The following MACROD2 variants were observed in gnomAD, a reference collection of about 807,000 sequenced individuals.
MACROD2 encodes mono-ADP ribosylhydrolase 2.
Under a neutral mutation model 70.4 loss-of-function variants are expected in MACROD2, and 36 were observed. The ratio of observed to expected loss-of-function variants is 0.51; its 90% CI spans 0.39 to 0.68. MACROD2 has a LOEUF of 0.68. MACROD2 is among the 30% of genes least tolerant of loss of function. The pLI is 0.00. For missense variants in MACROD2, 496 were observed against 538.4 expected (o/e 0.92, Z 0.78); for synonymous variants, 172 against 178.8 (o/e 0.96, Z 0.30).
At chr20:15,174,371 G>T (rs762165625) in intron 5 of MACROD2, among the ~76,000 whole-genome samples, 1 of 152,150 alleles carries the variant, frequency 6.6e-6, no homozygotes, top group African/African-American at 2.4e-5. Flanking sequence ...TAAAAGATTT[G>T]CATGGCCACA....
At chr20:15,929,565 T>C (rs1342006197) in intron 10 of MACROD2, among the ~76,000 whole-genome samples, 1 of 152,176 alleles carries the variant, frequency 6.6e-6, no homozygotes, top group African/African-American at 2.4e-5. Context: ...TATAGACCTT[T>C]AGAAGAAAAG....
At chr20:14,259,373 G>A (rs2256118) in intron 3 of MACROD2, among the ~76,000 whole-genome samples, 96,584 of 152,080 alleles carry the variant, frequency 0.64, 32,259 homozygotes, top group Non-Finnish European at 0.75. Flanking sequence ...TTTATAATTT[G>A]ATTTTAATAC....
chr20:16,036,155 C>T (rs1459217902), intron 15 of MACROD2, among the ~76,000 whole-genome samples: 1 of 151,918 alleles, frequency 6.6e-6, no homozygotes, highest in African/African-American at 2.4e-5. Context: ...CCAGACAGGC[C>T]CTGAGCTCTG....
At chr20:14,720,180 A>T (rs1323831152) in intron 5 of MACROD2, among the ~76,000 whole-genome samples, 3 of 152,194 alleles carry the variant, frequency 2.0e-5, no homozygotes, top group Non-Finnish European at 4.4e-5. Flanking sequence ...TGTAAATCTT[A>T]GGTCTTAGGA....
chr20:15,461,006 A>ATATTTTTTTTTTTT, intron 7 of MACROD2, among the ~76,000 whole-genome samples: 11 of 67,018 alleles, frequency 1.6e-4, no homozygotes, highest in Non-Finnish European at 3.0e-4. Context: ...ATATATATAT[A>ATATTTTTTTTTTTT]TTTTTTTTTA....
chr20:14,929,893 A>G (rs672519), intron 5 of MACROD2, among the ~76,000 whole-genome samples: 74,323 of 151,480 alleles, frequency 0.49, 18,908 homozygotes, highest in South Asian at 0.71. Flanking sequence ...TGGGCGCGGT[A>G]TCTCACGCCT....
At chr20:14,804,450 T>C (rs1280353521) in intron 5 of MACROD2, among the ~76,000 whole-genome samples, 1 of 151,994 alleles carries the variant, frequency 6.6e-6, no homozygotes, top group East Asian at 1.9e-4. Flanking sequence ...TGGTTCAAGG[T>C]CACTCCATGC....
chr20:15,678,519 C>T (rs2050109441), intron 8 of MACROD2, among the ~76,000 whole-genome samples: 1 of 152,022 alleles, frequency 6.6e-6, no homozygotes, highest in Non-Finnish European at 1.5e-5. Context: ...GCCACCATGC[C>T]TGGCTAATTT....
intron 3 of MACROD2, among the ~76,000 whole-genome samples, chr20:14,226,460 G>A (rs970420157): frequency 5.3e-5 from 8 of 152,220 alleles, no homozygotes; most frequent in Admixed American, 2.6e-4. Flanking sequence ...CCCCTTTCTG[G>A]GCTGGCCAAG....
chr20:15,862,644 C>G, intron 8 of MACROD2, 101 bp from the exon 9 acceptor site: 1 of 878,816 alleles, frequency 1.1e-6, no homozygotes, highest in Non-Finnish European at 1.8e-6. Context: ...AACCAAAAAT[C>G]TGTATGAGGC....
chr20:15,114,986 A>C (rs1268213167), intron 5 of MACROD2, among the ~76,000 whole-genome samples: 1 of 152,144 alleles, frequency 6.6e-6, no homozygotes, highest in Admixed American at 6.5e-5. Flanking sequence ...TTGCCCTGAA[A>C]CACTCTTGCT....
At chr20:14,071,976 G>A (rs915274697) in intron 2 of MACROD2, among the ~76,000 whole-genome samples, 1 of 152,172 alleles carries the variant, frequency 6.6e-6, no homozygotes, top group Non-Finnish European at 1.5e-5. Context: ...TGTAAACAAA[G>A]TAGTATATGT....
intron 2 of MACROD2, among the ~76,000 whole-genome samples, chr20:14,035,956 C>T (rs1248951132): frequency 6.6e-6 from 1 of 152,178 alleles, no homozygotes; most frequent in Non-Finnish European, 1.5e-5. Flanking sequence ...TCCTGGCTAA[C>T]ATGGTGAAAC....
chr20:15,986,321 G>C (rs2066482942), intron 13 of MACROD2, among the ~76,000 whole-genome samples: 1 of 152,114 alleles, frequency 6.6e-6, no homozygotes, highest in Non-Finnish European at 1.5e-5. Context: ...AAAAATGAAA[G>C]TGCAAGTAGT....
At chr20:15,030,666 C>T (rs550912907) in intron 5 of MACROD2, among the ~76,000 whole-genome samples, 3 of 151,750 alleles carry the variant, frequency 2.0e-5, no homozygotes, top group East Asian at 1.9e-4. Flanking sequence ...GATAGATAGA[C>T]AGATAGATAG....
chr20:14,934,388 A>G lies in MACROD2; in HGVS notation c.418+249429A>G, dbSNP rs117396089. 7.9e-3 allele frequency among the ~76,000 whole-genome samples: 1,196 copies of G among 152,328 alleles called. 9 individuals are homozygous for G. The highest frequency in any genetic ancestry group is 0.012 in the Non-Finnish European group (796 of 68,024). Reference sequence around the variant, plus strand: ...TAGCTGCTCTTTTTTACAAGCAGCTATGAAGCTGTAATCCTACGCACCTTC... The same window carrying G: ...TAGCTGCTCTTTTTTACAAGCAGCTGTGAAGCTGTAATCCTACGCACCTTC... On this transcript the variant is annotated intron_variant, in intron 5 of 17. Coordinates refer to ENST00000684519, the MANE Select transcript of MACROD2 (RefSeq NM_001351661.2).
At chr20:15,047,809 C>T (rs1392327356) in intron 5 of MACROD2, among the ~76,000 whole-genome samples, 1 of 152,106 alleles carries the variant, frequency 6.6e-6, no homozygotes, top group Non-Finnish European at 1.5e-5. Flanking sequence ...GATGAGGTTT[C>T]CTTTGCTTTT....
Position 15,208,832 on chromosome 20 carries a change from A to G in MACROD2, c.419-21108A>G, listed in dbSNP as rs73258901. Among the ~76,000 whole-genome samples, 492 of 152,240 alleles carry G rather than the reference A, an allele frequency of 3.2e-3. 3 individuals carry two copies. Among genetic ancestry groups the G allele is most frequent in the African/African-American group, 0.011 (472 of 41,548 alleles). On this transcript the variant is annotated intron_variant, in intron 5 of 17. Transcript: ENST00000684519. ...GTGGTAGTAAAAGTGCCAGCTTCCT[A>G]TGTGGTCTGCTCTGACATTATATGG...
chr20:15,160,678 A>G (rs1195634171), intron 5 of MACROD2, among the ~76,000 whole-genome samples: 1 of 152,106 alleles, frequency 6.6e-6, no homozygotes, highest in Non-Finnish European at 1.5e-5. Flanking sequence ...CAGTTTGGAT[A>G]AGGAGAAAAT....
Sources: gnomAD v4.1 joint callset for allele counts (sites outside exome capture counted in the v4.1 genomes callset) on GRCh38, gnomAD v4.1.1 for gene constraint, MANE v1.5 for transcripts, NCBI Gene and HGNC (gene_info 2026-07-23, HGNC 2026-07-21) for gene names.